The following IQCM variants were observed in gnomAD, a reference collection of about 807,000 sequenced individuals.
The protein encoded by IQCM is IQ motif containing M.
IQCM carries 45 observed loss-of-function variants against 57.6 expected under a neutral mutation model. That is an observed-to-expected ratio of 0.78 (90% confidence interval 0.62 to 1.00). The LOEUF (loss-of-function observed/expected upper bound fraction) is 1.00, where lower values mean the gene tolerates loss of function less well. IQCM is among the 50% of genes least tolerant of loss of function. The pLI is 0.00. For missense variants in IQCM, 468 were observed against 511.6 expected (o/e 0.91, Z 0.82); for synonymous variants, 148 against 158.9 (o/e 0.93, Z 0.51).
chr4:149,580,024 A>G (rs796802316), intron 9 of IQCM, among the ~76,000 whole-genome samples: 11 of 151,956 alleles, frequency 7.2e-5, no homozygotes, highest in African/African-American at 2.4e-4. Context: ...GCACAAGCAG[A>G]TCAGTATCAC....
At chr4:149,581,968 G>T (rs1467260793) in intron 9 of IQCM, among the ~76,000 whole-genome samples, 2 of 151,442 alleles carry the variant, frequency 1.3e-5, no homozygotes, top group South Asian at 4.1e-4. Flanking sequence ...TTGGAGCGGG[G>T]AGGTTTGGTG....
intron 12 of IQCM, among the ~76,000 whole-genome samples, chr4:149,444,981 CA>C (rs1002121061): frequency 1.3e-5 from 2 of 151,870 alleles, no homozygotes; most frequent in Non-Finnish European, 2.9e-5. Context: ...TGTCCATTCC[CA>C]TTTGGGTTGG....
chr4:149,664,155 A>G (rs1418783491), intron 7 of IQCM, among the ~76,000 whole-genome samples: 1 of 152,076 alleles, frequency 6.6e-6, no homozygotes, highest in East Asian at 1.9e-4. Flanking sequence ...TCTTTTCCAT[A>G]ATATCTATCT....
intron 2 of IQCM, among the ~76,000 whole-genome samples, chr4:149,800,543 A>G (rs1398199751): frequency 2.0e-5 from 3 of 151,958 alleles, no homozygotes; most frequent in African/African-American, 7.2e-5. Context: ...CTGGAAAGGA[A>G]AAAGTCAAAT....
chr4:149,466,265 T>C (rs1157140423), intron 12 of IQCM, among the ~76,000 whole-genome samples: 1 of 152,178 alleles, frequency 6.6e-6, no homozygotes, highest in African/African-American at 2.4e-5. Flanking sequence ...GAATATATCA[T>C]AGAACCCAAG....
chr4:149,551,209 A>T (rs947584455), intron 11 of IQCM, among the ~76,000 whole-genome samples: 1 of 152,020 alleles, frequency 6.6e-6, no homozygotes, highest in East Asian at 1.9e-4. Context: ...GCCGCCTCCA[A>T]ATTAAGGCCT....
At chr4:149,492,794 A>T (rs1742235257) in intron 12 of IQCM, among the ~76,000 whole-genome samples, 1 of 152,118 alleles carries the variant, frequency 6.6e-6, no homozygotes, top group Admixed American at 6.6e-5. Flanking sequence ...TTACCCTTAC[A>T]AGAATAGCTT....
At chr4:149,804,946 C>A (rs1318851087) in intron 2 of IQCM, among the ~76,000 whole-genome samples, 1 of 151,998 alleles carries the variant, frequency 6.6e-6, no homozygotes, top group Non-Finnish European at 1.5e-5. Context: ...AAGTAGGATG[C>A]AACCTGCTGG....
At chr4:149,724,047 A>G (rs1765679836) in intron 5 of IQCM, among the ~76,000 whole-genome samples, 1 of 151,526 alleles carries the variant, frequency 6.6e-6, no homozygotes, top group Admixed American at 6.6e-5. Context: ...CCAAGCATTT[A>G]TCTGTTTCCT....
At chr4:149,446,842 T>C (rs1736563801) in intron 12 of IQCM, among the ~76,000 whole-genome samples, 1 of 151,608 alleles carries the variant, frequency 6.6e-6, no homozygotes, top group South Asian at 2.1e-4. Context: ...GCTTATATTT[T>C]ACATGTATTA....
intron 12 of IQCM, among the ~76,000 whole-genome samples, chr4:149,505,042 T>A (rs913294158): frequency 6.6e-6 from 1 of 152,022 alleles, no homozygotes; most frequent in Non-Finnish European, 1.5e-5. Flanking sequence ...GGAAAAAAAA[T>A]TCTGTTGATC....
intron 13 of IQCM, among the ~76,000 whole-genome samples, chr4:149,390,498 C>T (rs961156973): frequency 2.6e-5 from 4 of 151,578 alleles, no homozygotes; most frequent in Non-Finnish European, 5.9e-5. Context: ...ATCCTAAAGA[C>T]ATTTCTGATC....
At chr4:149,496,839 C>A (rs933558484) in intron 12 of IQCM, among the ~76,000 whole-genome samples, 4 of 152,094 alleles carry the variant, frequency 2.6e-5, no homozygotes, top group African/African-American at 9.7e-5. Context: ...ATTCATTAAT[C>A]CCTTTATTCA....
intron 13 of IQCM, among the ~76,000 whole-genome samples, chr4:149,381,468 C>G (rs1202642233): frequency 1.3e-5 from 2 of 152,102 alleles, no homozygotes; most frequent in Admixed American, 1.3e-4. Flanking sequence ...TCCTCATTGA[C>G]TTCTTTCCAA....
chr4:149,686,096 T>C (rs1387690770), intron 6 of IQCM, among the ~76,000 whole-genome samples: 5 of 151,296 alleles, frequency 3.3e-5, no homozygotes, highest in Non-Finnish European at 7.4e-5. Flanking sequence ...AATATGGCAT[T>C]TTTTTCCCCA....
At chr4:149,673,461 G>A (rs1229008621) in intron 7 of IQCM, among the ~76,000 whole-genome samples, 1 of 151,988 alleles carries the variant, frequency 6.6e-6, no homozygotes, top group South Asian at 2.1e-4. Flanking sequence ...AAAAAATGCA[G>A]GGGTTGCAAT....
intron 8 of IQCM, among the ~76,000 whole-genome samples, chr4:149,612,748 C>T (rs1485857024): frequency 1.3e-5 from 2 of 151,730 alleles, no homozygotes; most frequent in East Asian, 3.9e-4. Flanking sequence ...GTCATTTTGT[C>T]GAAGAGATTC....
chr4:149,702,356 C>A (rs1763840684), intron 5 of IQCM, among the ~76,000 whole-genome samples: 1 of 151,294 alleles, frequency 6.6e-6, no homozygotes, highest in Non-Finnish European at 1.5e-5. Flanking sequence ...CATTTGACCA[C>A]CTAAATACTA....
chr4:149,371,208 C>T (rs906449296), intron 13 of IQCM, among the ~76,000 whole-genome samples: 7 of 152,100 alleles, frequency 4.6e-5, no homozygotes, highest in Admixed American at 4.6e-4. Flanking sequence ...CTAGATGTCA[C>T]CCTTTGTAAC....
Sources: allele counts gnomAD v4.1 joint callset (sites outside exome capture counted in the v4.1 genomes callset), GRCh38; gene constraint gnomAD v4.1.1; transcripts MANE v1.5; gene names NCBI Gene and HGNC (gene_info 2026-07-23, HGNC 2026-07-21).